DENND1B: variants seen among roughly 807,000 people sequenced by gnomAD.
DENND1B encodes DENN domain containing 1B.
In DENND1B, 59 loss-of-function variants were observed where a neutral mutation model predicts 90.1. The ratio of observed to expected loss-of-function variants is 0.65; its 90% CI spans 0.53 to 0.81. The LOEUF is 0.81. DENND1B is among the 40% of genes least tolerant of loss of function. The pLI is 0.00. For synonymous variants in DENND1B, 337 were observed against 324.6 expected (o/e 1.04, Z -0.41); for missense variants, 862 against 912.6 (o/e 0.94, Z 0.71).
intron 14 of DENND1B, among the ~76,000 whole-genome samples, chr1:197,594,010 A>T (rs560453189): frequency 2.0e-5 from 3 of 152,264 alleles, no homozygotes; most frequent in Non-Finnish European, 2.9e-5. Context: ...TTAAAGAATG[A>T]GACCCTTATA....
At chr1:197,589,756 C>G (rs1214165994) in intron 14 of DENND1B, among the ~76,000 whole-genome samples, 1 of 152,146 alleles carries the variant, frequency 6.6e-6, no homozygotes, top group Non-Finnish European at 1.5e-5. Context: ...GGATTACTAA[C>G]CAATCTTTAT....
At chr1:197,583,094 A>T in intron 15 of DENND1B, 58 bp downstream of exon 15, 1 of 1,452,856 alleles carries the variant, frequency 6.9e-7, no homozygotes, top group Non-Finnish European at 9.7e-7. Flanking sequence ...TAGTAATACA[A>T]ATGTGTAAAA....
At position 197,595,260 on chromosome 1, in the gene DENND1B, C is replaced by G. The variant is rs771538170; in HGVS notation, c.995G>C (p.Arg332Thr). 1.9e-6 allele frequency: 3 copies of G among 1,613,400 alleles called. No individual in the cohort carries two copies. The highest frequency in any genetic ancestry group is 1.7e-4 in the Middle Eastern group (1 of 6,060). Residue 332 changes from arginine (R) to threonine (T), a missense_variant, in exon 14 of 23, where the codon AGA becomes ACA. Coordinates refer to ENST00000620048, the MANE Select transcript of DENND1B (RefSeq NM_001195215.2). ...GGATCCAAACAAAGCAGCCTGTGCT[C>G]TAAGAAAGGCCCTAGCTACTCCATC... ...TGDGVARAFL[R>T]AQAALFGSYR...
At chr1:197,567,539 GA>G in intron 15 of DENND1B, among the ~76,000 whole-genome samples, 1 of 152,170 alleles carries the variant, frequency 6.6e-6, no homozygotes, top group Non-Finnish European at 1.5e-5. Context: ...ACTCCAAAAA[GA>G]AAGCGAATTA....
At chr1:197,726,854 C>G (rs1187228485) in intron 2 of DENND1B, among the ~76,000 whole-genome samples, 6 of 152,114 alleles carry the variant, frequency 3.9e-5, no homozygotes, top group Admixed American at 3.3e-4. Context: ...GTGGGGAACA[C>G]CTTTCAAATG....
chr1:197,546,299 T>C lies in DENND1B; in HGVS notation c.1282-309A>G, dbSNP rs756715312. Reference sequence around the variant, plus strand: ...TAATTTGAATATATTTAAAGCTTAATAAGAAAGAAATACAAGTTTATCAGC... The same window carrying C: ...TAATTTGAATATATTTAAAGCTTAACAAGAAAGAAATACAAGTTTATCAGC... On this transcript the variant is annotated intron_variant, in intron 17 of 22. Coordinates refer to ENST00000620048, the MANE Select transcript of DENND1B (RefSeq NM_001195215.2). 7.2e-5 allele frequency among the ~76,000 whole-genome samples: 11 copies of C among 152,296 alleles called. No homozygotes were observed. In the South Asian group the frequency reaches 1.0e-3, roughly 14 times the overall value.
chr1:197,672,923 C>T (rs547815691), intron 4 of DENND1B, among the ~76,000 whole-genome samples: 130 of 152,014 alleles, frequency 8.6e-4, no homozygotes, highest in African/African-American at 3.0e-3. Context: ...TGGCTGTAAT[C>T]TTGCCATTAG....
intron 2 of DENND1B, among the ~76,000 whole-genome samples, chr1:197,770,953 C>T (rs1239143043): frequency 1.4e-5 from 2 of 146,732 alleles, no homozygotes; most frequent in Admixed American, 6.9e-5. Flanking sequence ...ACTTGGTCAC[C>T]AAGGCTGGAG....
chr1:197,528,692 C>T (rs925332139), intron 20 of DENND1B, among the ~76,000 whole-genome samples: 29 of 151,874 alleles, frequency 1.9e-4, no homozygotes, highest in African/African-American at 2.7e-4. Flanking sequence ...AACCCCGTCT[C>T]TACTAAAAAT....
rs183986870 is a variant in DENND1B, at chr1:197,703,309, A to T, written c.126+11722T>A. On this transcript the variant is annotated intron_variant, in intron 3 of 22. Coordinates refer to ENST00000620048, the MANE Select transcript of DENND1B (RefSeq NM_001195215.2). ...CCCACTTCAGCTTTGCTTTTACAAA[A>T]AAAAGAAAAAAGAAAGAAAGAACAA... Among the ~76,000 whole-genome samples the T allele has an allele frequency of 2.2e-4, 33 of 152,140 alleles. No individual in the cohort carries two copies. In the East Asian group the frequency reaches 5.4e-3, roughly 25 times the overall value.
At chr1:197,549,854 G>GA (rs1671086215) in intron 16 of DENND1B, among the ~76,000 whole-genome samples, 1 of 151,870 alleles carries the variant, frequency 6.6e-6, no homozygotes. Context: ...GGCAGTTTTT[G>GA]AAAAAATGCA....
intron 7 of DENND1B, among the ~76,000 whole-genome samples, chr1:197,647,836 T>C (rs113300868): frequency 0.011 from 1,656 of 150,854 alleles, 39 homozygotes; most frequent in African/African-American, 0.039. Flanking sequence ...TAATTCCAGC[T>C]ACTCAGGAGG....
chr1:197,683,047 G>A (rs1258501852), intron 3 of DENND1B, among the ~76,000 whole-genome samples: 1 of 152,076 alleles, frequency 6.6e-6, no homozygotes, highest in African/African-American at 2.4e-5. Context: ...GTAGGGGGAG[G>A]AGTGGAATGA....
At chr1:197,715,220 C>T (rs1055381677) in intron 2 of DENND1B, 146 bp from the exon 3 acceptor site, 4 of 501,400 alleles carry the variant, frequency 8.0e-6, no homozygotes, top group Non-Finnish European at 1.4e-5. Context: ...TGATGACATT[C>T]ACTTCTCTTC....
chr1:197,651,239 T>C (rs1386606483), intron 7 of DENND1B, among the ~76,000 whole-genome samples: 1 of 152,032 alleles, frequency 6.6e-6, no homozygotes, highest in Non-Finnish European at 1.5e-5. Context: ...ATTTTAATAG[T>C]CTAGCCCATA....
intron 3 of DENND1B, among the ~76,000 whole-genome samples, chr1:197,707,631 ATATAT>A (rs984257390): frequency 8.8e-5 from 13 of 146,936 alleles, no homozygotes; most frequent in South Asian, 6.2e-4. Flanking sequence ...AATATAATAC[ATATAT>A]TATATAATAT....
At chr1:197,589,389 C>T (rs542356583) in intron 14 of DENND1B, among the ~76,000 whole-genome samples, 20 of 152,268 alleles carry the variant, frequency 1.3e-4, no homozygotes, top group African/African-American at 4.8e-4. Flanking sequence ...GCCAGATGCA[C>T]ACCAAATATT....
At chr1:197,654,311 A>G (rs1056029288) in intron 6 of DENND1B, among the ~76,000 whole-genome samples, 7 of 152,148 alleles carry the variant, frequency 4.6e-5, no homozygotes, top group Admixed American at 4.6e-4. Flanking sequence ...TCACAAGGAT[A>G]TTAGAAAATA....
chr1:197,612,904 AACTTG>A (rs1200726618), intron 11 of DENND1B, among the ~76,000 whole-genome samples: 1 of 150,840 alleles, frequency 6.6e-6, no homozygotes, highest in African/African-American at 2.4e-5. Flanking sequence ...AAAATTATTC[AACTTG>A]ACATTTCAAA....
Sources: allele counts gnomAD v4.1 joint callset (sites outside exome capture counted in the v4.1 genomes callset), GRCh38; gene constraint gnomAD v4.1.1; transcripts MANE v1.5; gene names NCBI Gene and HGNC (gene_info 2026-07-23, HGNC 2026-07-21).